Variants in FGFR2 observed in about 807,000 individuals in gnomAD.
FGFR2 encodes the protein BEK fibroblast growth factor receptor.
Under a neutral mutation model 95.9 loss-of-function variants are expected in FGFR2, and 19 were observed. The ratio of observed to expected loss-of-function variants is 0.20; its 90% CI spans 0.14 to 0.29. FGFR2 has a LOEUF of 0.29. Among genes scored for constraint, FGFR2 ranks in the 10% least tolerant of loss-of-function variants. FGFR2 has a pLI of 1.00. For missense variants in FGFR2, 707 were observed against 1,056.9 expected (o/e 0.67, Z 4.59); for synonymous variants, 392 against 393.3 (o/e 1.00, Z 0.04).
At chr10:121,572,170 A>G (rs1387445208) in intron 2 of FGFR2, among the ~76,000 whole-genome samples, 2 of 151,544 alleles carry the variant, frequency 1.3e-5, no homozygotes, top group Admixed American at 6.6e-5. Context: ...AAAAAAAAAA[A>G]AAAAAAAGCC....
At chr10:121,481,962 G>GGA (rs1453033619) in intron 17 of FGFR2, 1 of 382,914 alleles carries the variant, frequency 2.6e-6, no homozygotes, top group African/African-American at 2.1e-5. Flanking sequence ...TCAGCCTCCC[G>GGA]GAGTAGCTGG....
intron 6 of FGFR2, chr10:121,527,664 T>C (rs1483102853): frequency 6.6e-6 from 1 of 152,172 alleles, no homozygotes; most frequent in Non-Finnish European, 1.5e-5. Context: ...TCTAGGGTCA[T>C]GGAAAACCTA....
intron 6 of FGFR2, among the ~76,000 whole-genome samples, chr10:121,536,646 G>C (rs1852869462): frequency 6.6e-6 from 1 of 152,206 alleles, no homozygotes; most frequent in South Asian, 2.1e-4. Flanking sequence ...ACAGGGATGA[G>C]CCGCCAGAAA....
rs190748587 is a variant in FGFR2, at chr10:121,518,349, T to C, written c.940-886A>G. ...TCAAATGCCCCGTATTAAACAGGCA[T>C]GGAAGCGTGTGTTTTAAATGGTGTT... On this transcript the variant is annotated intron_variant, in intron 7 of 17. Coordinates refer to ENST00000358487, the MANE Select transcript of FGFR2 (RefSeq NM_000141.5). The surrounding 1 kb of genome is among the most constrained non-coding windows in gnomAD (Gnocchi z 4.0). Among the ~76,000 whole-genome samples the C allele has an allele frequency of 2.0e-5, 3 of 152,140 alleles. No homozygotes were observed. The highest frequency in any genetic ancestry group is 7.2e-5 in the African/African-American group (3 of 41,418).
In FGFR2 at chr10:121,485,681, C is replaced by A. The variant is rs1420188045; in HGVS notation, c.2058-149G>T. ...AGTTCCTCCTATGTGCTCTTTCCTG[C>A]CCTGCAAGAGCATCCCCGAATGATG... On this transcript the variant is annotated intron_variant, in intron 15 of 17. Coordinates refer to ENST00000358487, the MANE Select transcript of FGFR2 (RefSeq NM_000141.5). The surrounding 1 kb of genome is among the most constrained non-coding windows in gnomAD (Gnocchi z 4.2). The A allele has an allele frequency of 9.9e-7, 1 of 1,013,332 alleles. No homozygotes were observed. Among genetic ancestry groups the A allele is most frequent in the African/African-American group, 1.6e-5 (1 of 62,972 alleles). The allele number at this position is 1,013,332 out of a possible 1,614,324, so 62.8% of individuals were successfully genotyped here. A position where few individuals can be genotyped will look rare whatever the true frequency, so the allele number is the denominator to read the frequency against.
intron 4 of FGFR2, among the ~76,000 whole-genome samples, chr10:121,564,160 T>A (rs1028367504): frequency 6.6e-6 from 1 of 152,186 alleles, no homozygotes; most frequent in Non-Finnish European, 1.5e-5. Flanking sequence ...GCACAATCAC[T>A]GATTACAAGG....
intron 2 of FGFR2, among the ~76,000 whole-genome samples, chr10:121,578,808 G>T (rs1860347311): frequency 6.6e-6 from 1 of 152,214 alleles, no homozygotes; most frequent in African/African-American, 2.4e-5. Flanking sequence ...TACTCGGGAG[G>T]CTGAGGCAAG....
intron 5 of FGFR2, among the ~76,000 whole-genome samples, chr10:121,543,331 G>T (rs1173516960): frequency 1.3e-5 from 2 of 152,180 alleles, no homozygotes; most frequent in East Asian, 3.9e-4. Context: ...CCAACATGGT[G>T]AAACTCTGTC....
chr10:121,525,745 C>T lies in FGFR2; in HGVS notation c.749-5576G>A, dbSNP rs559748644. ...TCCTCTGGACATAGTAATATGTTTG[C>T]TCATAAGAGATCTACAACTTTTGCT... is the stretch of plus-strand genomic sequence containing the variant. On this transcript the variant is annotated intron_variant, in intron 6 of 17. Coordinates refer to ENST00000358487, the MANE Select transcript of FGFR2 (RefSeq NM_000141.5). Among the ~76,000 whole-genome samples the T allele has an allele frequency of 5.9e-5, 9 of 151,908 alleles. No individual in the cohort carries two copies. In the South Asian group the frequency reaches 1.9e-3, roughly 32 times the overall value.
At chr10:121,536,604 A>G (rs1333523652) in intron 6 of FGFR2, among the ~76,000 whole-genome samples, 1 of 152,212 alleles carries the variant, frequency 6.6e-6, no homozygotes, top group East Asian at 1.9e-4. Context: ...TCAAATCCCA[A>G]CCCTAAACTC....
At chr10:121,500,075 C>A (rs1052333411) in intron 11 of FGFR2, among the ~76,000 whole-genome samples, 1 of 152,164 alleles carries the variant, frequency 6.6e-6, no homozygotes, top group African/African-American at 2.4e-5. Context: ...ATCTTCTTTC[C>A]GAGATCCCTA....
intron 2 of FGFR2, among the ~76,000 whole-genome samples, chr10:121,570,596 A>AGG (rs1460455971): frequency 6.6e-6 from 1 of 152,244 alleles, no homozygotes; most frequent in East Asian, 1.9e-4. Context: ...CGAATCCACC[A>AGG]GGGGTGCACA....
rs531426519 is a variant in FGFR2, at chr10:121,515,249, G to C, written c.1155C>G (p.Val385=). The part of the protein sequence containing the change: ...YLEIAIYCIG[V]FLIACMVVTV... ...TTACCACCATACAGGCGATTAAGAAGACCCCTATGCAGTAAATGGCTATCT... is the reference window on the plus strand; with the variant it reads ...TTACCACCATACAGGCGATTAAGAACACCCCTATGCAGTAAATGGCTATCT... The change falls in exon 9 of 18, where the codon GTC becomes GTG. Residue 385 remains valine (V), a synonymous_variant. Coordinates refer to ENST00000358487, the MANE Select transcript of FGFR2 (RefSeq NM_000141.5). 5 of 1,614,156 alleles carry C rather than the reference G, an allele frequency of 3.1e-6. No homozygotes were observed. In the African/African-American group the frequency reaches 6.7e-5, roughly 22 times the overall value.
At position 121,478,552 on chromosome 10, in the gene FGFR2, C is replaced by T. The variant is rs1009884888; in HGVS notation, c.*1305G>A. 2.6e-5 allele frequency: 6 copies of T among 233,108 alleles called. No homozygotes were observed. Among genetic ancestry groups the T allele is most frequent in the Non-Finnish European group, 4.2e-5 (5 of 117,972 alleles). The allele number at this position is 233,108 out of a possible 1,614,324, so 14.4% of individuals were successfully genotyped here. A position where few individuals can be genotyped will look rare whatever the true frequency, so the allele number is the denominator to read the frequency against. ...CAATACTTTAGTACAGAAGGAACAA[C>T]GGCGATATTTTGTCTGATGTAGGTA... On this transcript the variant is annotated 3_prime_UTR_variant, in exon 18 of 18. Transcript: ENST00000358487.
intron 2 of FGFR2, 55 bp downstream of exon 2, chr10:121,593,654 T>C: frequency 6.7e-7 from 1 of 1,493,154 alleles, no homozygotes; most frequent in Non-Finnish European, 9.3e-7. Flanking sequence ...GCCTTAACAA[T>C]CTGCCCCCAG....
intron 17 of FGFR2, among the ~76,000 whole-genome samples, 156 bp downstream of exon 17, chr10:121,483,542 A>G (rs1249806277): frequency 1.3e-5 from 2 of 152,194 alleles, no homozygotes; most frequent in African/African-American, 4.8e-5. Flanking sequence ...TCATGATTTG[A>G]GAGGAACCCA....
rs762394496 is a variant in FGFR2, at chr10:121,517,232, C to T, written c.1084+87G>A. 7.1e-6 allele frequency: 10 copies of T among 1,400,180 alleles called. 1 individual carries two copies. Among genetic ancestry groups the T allele is most frequent in the Middle Eastern group, 1.7e-4 (1 of 5,716 alleles). The allele number at this position is 1,400,180 out of a possible 1,614,324, so 86.7% of individuals were successfully genotyped here. ...TATCTTTATGCAAGGATAAAAGGGG[C>T]CATTTCTGATAACAGAAGCTGTGTT... On this transcript the variant is annotated intron_variant, in intron 8 of 17. Transcript: ENST00000358487. This position sits in a 1 kb window ranked among gnomAD's most constrained non-coding sequence, Gnocchi z 4.7.
At chr10:121,569,027 T>C (rs1858132320) in intron 2 of FGFR2, among the ~76,000 whole-genome samples, 1 of 152,016 alleles carries the variant, frequency 6.6e-6, no homozygotes, top group African/African-American at 2.4e-5. Flanking sequence ...CAAATACTGG[T>C]TTATTATTGG....
intron 6 of FGFR2, among the ~76,000 whole-genome samples, chr10:121,524,689 C>A (rs1005771922): frequency 6.6e-6 from 1 of 152,288 alleles, no homozygotes; most frequent in East Asian, 1.9e-4. Flanking sequence ...TCTGAAAAAC[C>A]GAGGTGATGG....
Sources: gnomAD v4.1 joint callset for allele counts (sites outside exome capture counted in the v4.1 genomes callset) on GRCh38, gnomAD v4.1.1 for gene constraint, Gnocchi (gnomAD v3.1) non-coding constraint, MANE v1.5 for transcripts, NCBI Gene and HGNC (gene_info 2026-07-23, HGNC 2026-07-21) for gene names.